Variants in IGSF21 observed in about 807,000 individuals in gnomAD.
The protein encoded by IGSF21 is immunoglobulin superfamily member 21.
A neutral mutation model predicts 46.8 loss-of-function variants in IGSF21; 28 were observed. The observed-to-expected ratio is 0.60, with a 90% CI of 0.44 to 0.82. IGSF21 has a LOEUF of 0.82. IGSF21 is among the 40% of genes least tolerant of loss of function. The probability of loss-of-function intolerance (pLI) is 0.00; values close to 1 mark genes in which losing one functional copy is unlikely to be tolerated. For synonymous variants in IGSF21, 284 were observed against 273.6 expected (o/e 1.04, Z -0.38); for missense variants, 624 against 665.5 (o/e 0.94, Z 0.69).
chr1:18,334,573 T>C lies in IGSF21; in HGVS notation c.306-319T>C, dbSNP rs980497581. On this transcript the variant is annotated intron_variant, in intron 3 of 9. Coordinates refer to ENST00000251296, the MANE Select transcript of IGSF21 (RefSeq NM_032880.5). This position sits in a 1 kb window ranked among gnomAD's most constrained non-coding sequence, Gnocchi z 4.3. ...CTAAATGCCCATACCTCTTCACCTGTGCCATCCTCACGGCTCCCTGGAAGT... is the reference window on the plus strand; with the variant it reads ...CTAAATGCCCATACCTCTTCACCTGCGCCATCCTCACGGCTCCCTGGAAGT... 9.9e-5 allele frequency among the ~76,000 whole-genome samples: 15 copies of C among 152,158 alleles called. No individual in the cohort carries two copies. Among genetic ancestry groups the C allele is most frequent in the African/African-American group, 7.2e-5 (3 of 41,424 alleles).
intron 3 of IGSF21, among the ~76,000 whole-genome samples, chr1:18,320,657 A>G (rs772970164): frequency 5.3e-5 from 8 of 152,228 alleles, no homozygotes; most frequent in Non-Finnish European, 1.0e-4. Context: ...CCCCTGGTCC[A>G]TCCCAAAAGA....
At chr1:18,248,409 C>T (rs947302584) in intron 2 of IGSF21, among the ~76,000 whole-genome samples, 1 of 152,100 alleles carries the variant, frequency 6.6e-6, no homozygotes, top group South Asian at 2.1e-4. Flanking sequence ...AATTCTGTGG[C>T]GTGATTGATA....
At chr1:18,338,374 C>A (rs910034177) in intron 4 of IGSF21, among the ~76,000 whole-genome samples, 1 of 152,158 alleles carries the variant, frequency 6.6e-6, no homozygotes, top group East Asian at 1.9e-4. Flanking sequence ...TCTCTTCAAA[C>A]GAGCAGAGGT....
At chr1:18,213,883 C>A (rs949510249) in intron 1 of IGSF21, among the ~76,000 whole-genome samples, 1 of 152,172 alleles carries the variant, frequency 6.6e-6, no homozygotes, top group Non-Finnish European at 1.5e-5. Context: ...TCATCACCTT[C>A]CCTGCCCAAC....
At chr1:18,312,424 A>G (rs946674676) in intron 3 of IGSF21, among the ~76,000 whole-genome samples, 1 of 152,198 alleles carries the variant, frequency 6.6e-6, no homozygotes, top group African/African-American at 2.4e-5. Context: ...TTAGTGGCTT[A>G]AAATAACACA....
At chr1:18,374,535 C>T (rs959635223) in intron 6 of IGSF21, among the ~76,000 whole-genome samples, 13 of 152,282 alleles carry the variant, frequency 8.5e-5, no homozygotes, top group African/African-American at 2.6e-4. Context: ...CCCTTCCACA[C>T]GACTGGCTGG....
chr1:18,340,367 T>C (rs1054649666), intron 4 of IGSF21, among the ~76,000 whole-genome samples: 5 of 152,144 alleles, frequency 3.3e-5, no homozygotes, highest in African/African-American at 1.2e-4. Context: ...ATGGGGCTGT[T>C]CTAGGTCAAC....
intron 3 of IGSF21, among the ~76,000 whole-genome samples, chr1:18,298,132 T>C (rs1230979033): frequency 6.6e-6 from 1 of 152,120 alleles, no homozygotes; most frequent in East Asian, 1.9e-4. Context: ...CAGAGGGCCA[T>C]TGCCACCAGA....
intron 1 of IGSF21, among the ~76,000 whole-genome samples, chr1:18,205,991 G>T (rs1421552958): frequency 6.6e-6 from 1 of 152,208 alleles, no homozygotes; most frequent in Non-Finnish European, 1.5e-5. Context: ...TGTTTCTTCT[G>T]CTGGACACAC....
chr1:18,366,858 C>G (rs2086170018), intron 6 of IGSF21, among the ~76,000 whole-genome samples: 1 of 152,176 alleles, frequency 6.6e-6, no homozygotes, highest in Non-Finnish European at 1.5e-5. Flanking sequence ...CTCTCTTCCC[C>G]TTATACTGGT....
At chr1:18,188,800 G>T (rs1331455084) in intron 1 of IGSF21, among the ~76,000 whole-genome samples, 3 of 152,192 alleles carry the variant, frequency 2.0e-5, no homozygotes, top group Admixed American at 2.0e-4. Context: ...GTTGATCAAG[G>T]ACTCATAGCC....
chr1:18,368,723 G>T (rs2086193618), intron 6 of IGSF21, among the ~76,000 whole-genome samples: 2 of 152,108 alleles, frequency 1.3e-5, no homozygotes, highest in African/African-American at 4.8e-5. Context: ...CCCTTTACCT[G>T]GTTGCTTCAT....
chr1:18,357,867 G>A (rs552808525), intron 4 of IGSF21, among the ~76,000 whole-genome samples: 4 of 152,212 alleles, frequency 2.6e-5, no homozygotes, highest in African/African-American at 7.2e-5. Flanking sequence ...TGAGCTGTCC[G>A]TGCTGATGTT....
At chr1:18,113,750 C>T (rs1216483062) in intron 1 of IGSF21, 1 of 151,948 alleles carries the variant, frequency 6.6e-6, no homozygotes, top group East Asian at 1.9e-4. Context: ...CCCCCTTGCC[C>T]CTGGGACCCC....
chr1:18,347,863 T>C lies in IGSF21; in HGVS notation c.424+12853T>C, dbSNP rs560242351. Among the ~76,000 whole-genome samples, 3 of 152,308 alleles carry C rather than the reference T, an allele frequency of 2.0e-5. No individual in the cohort carries two copies. The South Asian group carries it at 6.2e-4, about 32-fold the overall frequency. ...TTCGTTTCTCATGCTTACAAATCCTTTGATTCAAGCAATATTTGTGAGCAC... is the reference window on the plus strand; with the variant it reads ...TTCGTTTCTCATGCTTACAAATCCTCTGATTCAAGCAATATTTGTGAGCAC... On this transcript the variant is annotated intron_variant, in intron 4 of 9. Transcript: ENST00000251296.
intron 6 of IGSF21, among the ~76,000 whole-genome samples, chr1:18,367,963 T>C (rs1019159029): frequency 1.1e-4 from 16 of 152,012 alleles, no homozygotes; most frequent in African/African-American, 3.9e-4. Flanking sequence ...GGCTAACATT[T>C]AGTGAGCACC....
intron 3 of IGSF21, among the ~76,000 whole-genome samples, chr1:18,292,584 G>T (rs1481561398): frequency 2.6e-5 from 4 of 152,168 alleles, no homozygotes; most frequent in Non-Finnish European, 5.9e-5. Flanking sequence ...ATCTTCCAGA[G>T]CCTGCTGTTC....
chr1:18,121,739 T>C (rs1184993724), intron 1 of IGSF21, among the ~76,000 whole-genome samples: 4 of 152,062 alleles, frequency 2.6e-5, no homozygotes, highest in South Asian at 4.1e-4. Flanking sequence ...TAGGAGGAGA[T>C]GGGTTGCCTA....
At position 18,324,211 on chromosome 1, in the gene IGSF21, G is replaced by A. The variant is rs223225; in HGVS notation, c.306-10681G>A. On this transcript the variant is annotated intron_variant, in intron 3 of 9. Coordinates refer to ENST00000251296, the MANE Select transcript of IGSF21 (RefSeq NM_032880.5). ...GGCTCCCAGCCCCATGGAATGATTC[G>A]GCCGTGTCTTTTCCCTGTTTGGCTG... is the stretch of plus-strand genomic sequence containing the variant. Among the ~76,000 whole-genome samples, 6 of 152,320 alleles carry A rather than the reference G, an allele frequency of 3.9e-5. No homozygotes were observed. The East Asian group carries it at 1.2e-3, about 30-fold the overall frequency.
Sources: gnomAD v4.1 joint callset for allele counts (sites outside exome capture counted in the v4.1 genomes callset) on GRCh38, gnomAD v4.1.1 for gene constraint, Gnocchi (gnomAD v3.1) non-coding constraint, MANE v1.5 for transcripts, NCBI Gene and HGNC (gene_info 2026-07-23, HGNC 2026-07-21) for gene names.